SLIT2: variants seen among roughly 807,000 people sequenced by gnomAD.
SLIT2 encodes the protein slit guidance ligand 2.
Under a neutral mutation model 185.7 loss-of-function variants are expected in SLIT2, and 41 were observed. That is an observed-to-expected ratio of 0.22 (90% CI 0.17 to 0.29). SLIT2 has a LOEUF of 0.29. Ranked by LOEUF, SLIT2 falls within the 10% of genes least tolerant of loss-of-function variation. SLIT2 has a pLI of 1.00. For missense variants in SLIT2, 1,571 were observed against 1,909.0 expected (o/e 0.82, Z 3.30); for synonymous variants, 693 against 680.2 (o/e 1.02, Z -0.29).
Position 20,618,997 on chromosome 4 carries a change from G to C in SLIT2, c.4578G>C (p.Arg1526Ser). The change falls in exon 37 of 37, where the codon AGG becomes AGC. Residue 1526 changes from arginine (R) to serine (S), a missense_variant. Arg to Ser is a moderately radical substitution (Grantham distance 110). Coordinates refer to ENST00000504154, the MANE Select transcript of SLIT2 (RefSeq NM_004787.4). ...VEKVVKCGCT[R>S]CVS ...AAGTGGTGAAGTGCGGCTGTACGAG[G>C]TGTGTGTCCTAAACACACTCCCGGC... 1 of 1,613,636 alleles carries C rather than the reference G, an allele frequency of 6.2e-7. No individual in the cohort carries two copies. Among genetic ancestry groups the C allele is most frequent in the Non-Finnish European group, 8.5e-7 (1 of 1,179,586 alleles).
At chr4:20,548,624 C>A in intron 23 of SLIT2, 65 bp downstream of exon 23, 2 of 921,056 alleles carry the variant, frequency 2.2e-6, no homozygotes, top group Non-Finnish European at 3.6e-6. Flanking sequence ...TCTCTAGATG[C>A]TGGACATTGC....
At chr4:20,448,933 G>A (rs368321242) in intron 4 of SLIT2, among the ~76,000 whole-genome samples, 3 of 152,122 alleles carry the variant, frequency 2.0e-5, no homozygotes, top group East Asian at 3.9e-4. Flanking sequence ...ACAGCGCCTG[G>A]CCCCAAAGTA....
At chr4:20,540,742 T>A (rs1722737085) in intron 19 of SLIT2, among the ~76,000 whole-genome samples, 1 of 152,184 alleles carries the variant, frequency 6.6e-6, no homozygotes, top group Non-Finnish European at 1.5e-5. Context: ...GAAGCATCCA[T>A]CCATCAGGAA....
At chr4:20,382,560 T>C (rs1370474257) in intron 4 of SLIT2, among the ~76,000 whole-genome samples, 1 of 152,108 alleles carries the variant, frequency 6.6e-6, no homozygotes, top group East Asian at 1.9e-4. Context: ...CCATTGACAA[T>C]AGGATCAGAG....
chr4:20,470,446 G>T (rs1457415545), intron 5 of SLIT2, among the ~76,000 whole-genome samples: 1 of 150,206 alleles, frequency 6.7e-6, no homozygotes, highest in Non-Finnish European at 1.5e-5. Flanking sequence ...ATCAGGGAAT[G>T]GTTAGATTGG....
intron 4 of SLIT2, among the ~76,000 whole-genome samples, chr4:20,344,864 T>C (rs1335920225): frequency 9.2e-5 from 14 of 152,220 alleles, no homozygotes; most frequent in Non-Finnish European, 1.9e-4. Context: ...CACTTTTCTT[T>C]TGTTTAAATA....
intron 18 of SLIT2, among the ~76,000 whole-genome samples, chr4:20,536,304 C>A (rs1722275009): frequency 6.6e-6 from 1 of 152,108 alleles, no homozygotes; most frequent in Admixed American, 6.6e-5. Context: ...ACCTGTAATT[C>A]CAGCACTTTG....
At chr4:20,485,861 A>G (rs557651361) in intron 6 of SLIT2, among the ~76,000 whole-genome samples, 1 of 152,350 alleles carries the variant, frequency 6.6e-6, no homozygotes, top group South Asian at 2.1e-4. Flanking sequence ...GTAATTGGGC[A>G]TATTTTCCAA....
intron 4 of SLIT2, among the ~76,000 whole-genome samples, chr4:20,374,667 T>C (rs1723872111): frequency 1.3e-5 from 2 of 152,018 alleles, no homozygotes; most frequent in East Asian, 1.9e-4. Flanking sequence ...CCTTTCTCCT[T>C]CTTTCCTTCC....
chr4:20,599,682 C>A (rs1728263458), intron 33 of SLIT2, among the ~76,000 whole-genome samples: 1 of 151,972 alleles, frequency 6.6e-6, no homozygotes, highest in South Asian at 2.1e-4. Context: ...AGGCAGAAAT[C>A]TGGGGTTTTT....
In SLIT2 at chr4:20,309,300, T is replaced by C. The variant is rs1577406149; in HGVS notation, c.395+40419T>C. Among the ~76,000 whole-genome samples, 9 of 152,244 alleles carry C rather than the reference T, an allele frequency of 5.9e-5. No homozygotes were observed. In the South Asian group the frequency reaches 1.9e-3, roughly 32 times the overall value. On this transcript the variant is annotated intron_variant, in intron 4 of 36. Transcript: ENST00000504154. The stretch of plus-strand genomic sequence containing the variant: ...TAAGAACACCAATTATAGCATTCTT[T>C]GCACTAAAATCCTCTAGAGGCTCAG...
At chr4:20,383,690 T>C (rs923730134) in intron 4 of SLIT2, among the ~76,000 whole-genome samples, 1 of 152,046 alleles carries the variant, frequency 6.6e-6, no homozygotes, top group African/African-American at 2.4e-5. Flanking sequence ...ATACTTCCTA[T>C]ATGACCAGTG....
chr4:20,397,262 A>G (rs1725971870), intron 4 of SLIT2, among the ~76,000 whole-genome samples: 2 of 151,790 alleles, frequency 1.3e-5, no homozygotes, highest in South Asian at 4.1e-4. Flanking sequence ...AAATCATTCA[A>G]ATAATCTAAA....
At chr4:20,594,403 A>G (rs557101388) in intron 30 of SLIT2, among the ~76,000 whole-genome samples, 29 of 151,072 alleles carry the variant, frequency 1.9e-4, no homozygotes, top group Non-Finnish European at 2.7e-4. Context: ...ATGTGTGTGT[A>G]TATATATATA....
At position 20,252,413 on chromosome 4, in the gene SLIT2, G is replaced by A. The variant is rs1389107045; in HGVS notation, c.-1403G>A. Among the ~76,000 whole-genome samples the A allele has an allele frequency of 6.6e-6, 1 of 152,224 alleles. No individual in the cohort carries two copies. Among genetic ancestry groups the A allele is most frequent in the Non-Finnish European group, 1.5e-5 (1 of 68,028 alleles). ...AGCGGGAGAGGGGAAGGGGCTAGAAGGAGAAGGACTACCCGGGACTGCGGC... is the reference window on the plus strand; with the variant it reads ...AGCGGGAGAGGGGAAGGGGCTAGAAAGAGAAGGACTACCCGGGACTGCGGC... On this transcript the variant is annotated 5_prime_UTR_variant, in exon 1 of 37. Coordinates refer to ENST00000504154, the MANE Select transcript of SLIT2 (RefSeq NM_004787.4).
chr4:20,501,294 T>G (rs564815553), intron 9 of SLIT2, among the ~76,000 whole-genome samples: 191 of 152,208 alleles, frequency 1.3e-3, no homozygotes, highest in African/African-American at 4.1e-3. Context: ...TAATTTTTTT[T>G]GGGGGGAGGA....
intron 4 of SLIT2, among the ~76,000 whole-genome samples, chr4:20,354,726 G>A (rs1256603420): frequency 6.6e-6 from 1 of 152,020 alleles, no homozygotes; most frequent in Non-Finnish European, 1.5e-5. Flanking sequence ...TGGTTAAATG[G>A]TAGAGGAAAC....
Position 20,267,709 on chromosome 4 carries a change from T to G in SLIT2, c.324-1101T>G, listed in dbSNP as rs182595966. ...GGGCCCATTTCTGCCCTCTGGAGAC[T>G]AAATAAGTATAATTCTGCATCTACC... On this transcript the variant is annotated intron_variant, in intron 3 of 36. Transcript: ENST00000504154. Among the ~76,000 whole-genome samples the G allele has an allele frequency of 1.8e-3, 280 of 151,998 alleles. 1 individual carries two copies. The Middle Eastern group carries it at 0.024, about 13-fold the overall frequency.
At chr4:20,274,367 G>C (rs1246848976) in intron 4 of SLIT2, among the ~76,000 whole-genome samples, 1 of 152,108 alleles carries the variant, frequency 6.6e-6, no homozygotes, top group African/African-American at 2.4e-5. Context: ...TTTTCAAATA[G>C]ATAGGCAACA....
Sources: allele counts gnomAD v4.1 joint callset (sites outside exome capture counted in the v4.1 genomes callset), GRCh38; gene constraint gnomAD v4.1.1; transcripts MANE v1.5; gene names NCBI Gene and HGNC (gene_info 2026-07-23, HGNC 2026-07-21).